CMIP: variants seen among roughly 807,000 people sequenced by gnomAD.
CMIP encodes the protein c-Maf inducing protein.
In CMIP, 13 loss-of-function variants were observed where a neutral mutation model predicts 97.3. That is an observed-to-expected ratio of 0.13 (90% CI 0.09 to 0.21). The LOEUF (loss-of-function observed/expected upper bound fraction) is 0.21. Among genes scored for constraint, CMIP ranks in the 10% least tolerant of loss-of-function variants. The pLI is 1.00. For missense variants in CMIP, 847 were observed against 1,024.9 expected (o/e 0.83, Z 2.37); for synonymous variants, 538 against 436.3 (o/e 1.23, Z -2.91).
Position 81,693,492 on chromosome 16 carries a change from G to C in CMIP, c.1530+5G>C. On this transcript the variant is annotated splice_donor_5th_base_variant and intron_variant, in intron 13 of 20. Transcript: ENST00000537098. ...GCCGAAGACCCCAGGCAAGAGGTGA[G>C]GCCTTTGTTTCTGCATCTCAGGCCG... The C allele has an allele frequency of 6.2e-7, 1 of 1,611,330 alleles. No individual in the cohort carries two copies. The highest frequency in any genetic ancestry group is 8.5e-7 in the Non-Finnish European group (1 of 1,178,468).
chr16:81,672,868 G>A (rs574926268), intron 9 of CMIP, among the ~76,000 whole-genome samples: 1 of 152,240 alleles, frequency 6.6e-6, no homozygotes, highest in East Asian at 1.9e-4. Flanking sequence ...ATGAGCCATT[G>A]CATCTGTTTT....
intron 1 of CMIP, among the ~76,000 whole-genome samples, chr16:81,555,453 C>T (rs2090743028): frequency 6.6e-6 from 1 of 152,176 alleles, no homozygotes; most frequent in Non-Finnish European, 1.5e-5. Context: ...ACAGTGAAAG[C>T]ACACCTGCCC....
intron 10 of CMIP, among the ~76,000 whole-genome samples, chr16:81,688,926 C>T (rs530360784): frequency 1.3e-5 from 2 of 152,270 alleles, no homozygotes; most frequent in South Asian, 2.1e-4. Flanking sequence ...TCTGTCCTTG[C>T]GATAGTTTGC....
intron 3 of CMIP, among the ~76,000 whole-genome samples, chr16:81,623,848 G>A (rs1447891658): frequency 6.6e-6 from 1 of 152,134 alleles, no homozygotes; most frequent in African/African-American, 2.4e-5. Flanking sequence ...CTGGTTCATT[G>A]TCGTTAAGCA....
At chr16:81,514,160 G>A (rs1441022169) in intron 1 of CMIP, among the ~76,000 whole-genome samples, 1 of 152,204 alleles carries the variant, frequency 6.6e-6, no homozygotes, top group Non-Finnish European at 1.5e-5. Context: ...ACTAGAATCC[G>A]GTGACACTTC....
chr16:81,452,571 A>T (rs898965), intron 1 of CMIP, among the ~76,000 whole-genome samples: 70,104 of 151,702 alleles, frequency 0.46, 16,437 homozygotes, highest in Admixed American at 0.53. Context: ...TGCTTTGTAC[A>T]TAGTGGTCAG....
At chr16:81,581,352 C>T (rs943259343) in intron 1 of CMIP, among the ~76,000 whole-genome samples, 9 of 152,098 alleles carry the variant, frequency 5.9e-5, no homozygotes, top group Non-Finnish European at 8.8e-5. Context: ...ACAGAAGCCT[C>T]GATGGTGTAG....
At chr16:81,613,342 C>A (rs1479805064) in intron 2 of CMIP, among the ~76,000 whole-genome samples, 1 of 152,142 alleles carries the variant, frequency 6.6e-6, no homozygotes, top group African/African-American at 2.4e-5. Flanking sequence ...TGCATTGCTT[C>A]ATGTTCCAGG....
At chr16:81,591,285 C>G (rs1446375526) in intron 1 of CMIP, among the ~76,000 whole-genome samples, 1 of 152,158 alleles carries the variant, frequency 6.6e-6, no homozygotes, top group Non-Finnish European at 1.5e-5. Context: ...CACATGAGGT[C>G]TTTAATCAAG....
chr16:81,512,018 C>T (rs1459245420), intron 1 of CMIP, among the ~76,000 whole-genome samples: 3 of 152,150 alleles, frequency 2.0e-5, no homozygotes, highest in African/African-American at 7.2e-5. Flanking sequence ...TACAGTATCT[C>T]ACTACTCATT....
intron 12 of CMIP, 76 bp from the exon 13 acceptor site, chr16:81,693,363 C>T (rs1423266910): frequency 2.6e-6 from 4 of 1,559,882 alleles, no homozygotes; most frequent in Non-Finnish European, 3.5e-6. Context: ...TTCCTTGACA[C>T]CATCCCCTCC....
intron 1 of CMIP, among the ~76,000 whole-genome samples, chr16:81,471,473 G>T (rs1907547443): frequency 6.6e-6 from 1 of 151,858 alleles, no homozygotes; most frequent in Non-Finnish European, 1.5e-5. Flanking sequence ...CATGTATGCA[G>T]ACATGCACAC....
rs749388276 is a variant in CMIP at position 81,704,061 on chromosome 16, G to A, written c.2067G>A (p.Lys689=). The A allele has an allele frequency of 7.5e-6, 12 of 1,605,408 alleles. No homozygotes were observed. Among genetic ancestry groups the A allele is most frequent in the Admixed American group, 3.4e-5 (2 of 59,266 alleles). ...AEHLIKLPSL[K]QLNLWSTQFG... is the part of the protein sequence containing the mutation. ...ACCTCATCAAACTGCCTTCGCTCAA[G>A]CAGCTGAACCTGTGGTCCACTCAGG... Residue 689 remains lysine, a synonymous_variant, in exon 18 of 21, where the codon AAG becomes AAA. Coordinates refer to ENST00000537098, the MANE Select transcript of CMIP (RefSeq NM_198390.3).
chr16:81,452,999 A>G (rs1279108276), intron 1 of CMIP, among the ~76,000 whole-genome samples: 1 of 151,588 alleles, frequency 6.6e-6, no homozygotes, highest in Non-Finnish European at 1.5e-5. Context: ...AGAACTTTGA[A>G]AACGCAACTC....
intron 1 of CMIP, among the ~76,000 whole-genome samples, chr16:81,552,376 A>G (rs373894423): frequency 2.6e-5 from 4 of 152,150 alleles, no homozygotes; most frequent in African/African-American, 9.7e-5. Context: ...ACACAGATCA[A>G]TCATCTTACA....
chr16:81,478,620 T>C (rs1298547235), intron 1 of CMIP, among the ~76,000 whole-genome samples: 1 of 152,044 alleles, frequency 6.6e-6, no homozygotes, highest in Non-Finnish European at 1.5e-5. Context: ...CTCCAGCCCT[T>C]GTTGGTCCTC....
At chr16:81,469,078 A>G (rs115504344) in intron 1 of CMIP, among the ~76,000 whole-genome samples, 2,085 of 152,318 alleles carry the variant, frequency 0.014, 45 homozygotes, top group African/African-American at 0.048. Context: ...GAACCTGGCA[A>G]TGGCTGAGCT....
chr16:81,478,773 G>A (rs1908081042), intron 1 of CMIP, among the ~76,000 whole-genome samples: 1 of 152,174 alleles, frequency 6.6e-6, no homozygotes, highest in Admixed American at 6.5e-5. Context: ...GCCTGGAAGC[G>A]CCATATCCAG....
chr16:81,668,128 T>C (rs561011195), intron 7 of CMIP, among the ~76,000 whole-genome samples: 4 of 152,206 alleles, frequency 2.6e-5, no homozygotes, highest in South Asian at 4.2e-4. Flanking sequence ...TTCTACAGCT[T>C]GAAGTCCTGA....
Sources: allele counts gnomAD v4.1 joint callset (sites outside exome capture counted in the v4.1 genomes callset), GRCh38; gene constraint gnomAD v4.1.1; transcripts MANE v1.5; gene names NCBI Gene and HGNC (gene_info 2026-07-23, HGNC 2026-07-21).